The following TNKS variants were observed in gnomAD, a reference collection of about 807,000 sequenced individuals.
The protein encoded by TNKS is tankyrase, also known as poly [ADP-ribose] polymerase tankyrase-1.
A neutral mutation model predicts 135.8 loss-of-function variants in TNKS; 72 were observed. That is an observed-to-expected ratio of 0.53 (90% CI 0.44 to 0.64). TNKS has a LOEUF of 0.64. Among genes scored for constraint, TNKS ranks in the 30% least tolerant of loss-of-function variants. TNKS has a pLI of 0.00. For synonymous variants in TNKS, 849 were observed against 649.3 expected (o/e 1.31, Z -4.68); for missense variants, 1,769 against 1,674.0 (o/e 1.06, Z -0.99).
At chr8:9,755,945 T>A (rs1403553266) in intron 20 of TNKS, among the ~76,000 whole-genome samples, 1 of 152,220 alleles carries the variant, frequency 6.6e-6, no homozygotes, top group Non-Finnish European at 1.5e-5. Context: ...AAGTTCTATG[T>A]TGAATAATAT....
chr8:9,624,915 TTATAC>T (rs1419726264), intron 3 of TNKS, among the ~76,000 whole-genome samples: 1 of 152,158 alleles, frequency 6.6e-6, no homozygotes, highest in Non-Finnish European at 1.5e-5. Context: ...AGTAGTTTTG[TTATAC>T]TATATTTTAT....
intron 2 of TNKS, among the ~76,000 whole-genome samples, chr8:9,594,759 A>G (rs1798710925): frequency 6.6e-6 from 1 of 152,174 alleles, no homozygotes; most frequent in Admixed American, 6.5e-5. Flanking sequence ...CATTTTATAA[A>G]CAGTAGTATA....
intron 18 of TNKS, among the ~76,000 whole-genome samples, chr8:9,749,355 A>T (rs1225033995): frequency 1.3e-5 from 2 of 152,156 alleles, no homozygotes; most frequent in Non-Finnish European, 2.9e-5. Flanking sequence ...TCAGCCAGAC[A>T]CATGTTATCA....
intron 3 of TNKS, among the ~76,000 whole-genome samples, chr8:9,675,611 A>G (rs545762358): frequency 1.9e-4 from 29 of 152,306 alleles, no homozygotes; most frequent in African/African-American, 7.0e-4. Flanking sequence ...GTTTTGATGA[A>G]CATTTTTTGC....
intron 1 of TNKS, among the ~76,000 whole-genome samples, chr8:9,565,493 A>G (rs1027853114): frequency 1.8e-4 from 28 of 152,192 alleles, no homozygotes; most frequent in African/African-American, 6.5e-4. Flanking sequence ...TCCAAACTGA[A>G]CAAAATTTGT....
intron 5 of TNKS, among the ~76,000 whole-genome samples, chr8:9,689,765 C>T (rs1176290784): frequency 6.6e-6 from 1 of 152,142 alleles, no homozygotes; most frequent in Non-Finnish European, 1.5e-5. Flanking sequence ...GAGCTCTTAG[C>T]CACATTAAAA....
At chr8:9,701,099 A>G (rs559920721) in intron 5 of TNKS, among the ~76,000 whole-genome samples, 9 of 151,920 alleles carry the variant, frequency 5.9e-5, no homozygotes, top group South Asian at 4.2e-4. Context: ...ACACCTGGCT[A>G]ATTTTTTGTA....
chr8:9,717,072 A>ATATATATATAT (rs376229840), intron 11 of TNKS, among the ~76,000 whole-genome samples: 3,305 of 79,308 alleles, frequency 0.042, 453 homozygotes, highest in African/African-American at 0.079. Flanking sequence ...GTTGTATTAT[A>ATATATATATAT]ATATATATAT....
At chr8:9,644,821 A>G (rs1585269742) in intron 3 of TNKS, among the ~76,000 whole-genome samples, 1 of 152,192 alleles carries the variant, frequency 6.6e-6, no homozygotes, top group Non-Finnish European at 1.5e-5. Flanking sequence ...AGTGGAGACC[A>G]TTCTTCAGAT....
chr8:9,588,178 G>C (rs1223330194), intron 2 of TNKS, among the ~76,000 whole-genome samples: 1 of 152,094 alleles, frequency 6.6e-6, no homozygotes. Flanking sequence ...GAGAGTCCTT[G>C]TCCTTATACA....
intron 3 of TNKS, among the ~76,000 whole-genome samples, chr8:9,660,778 GA>G (rs1321588836): frequency 6.6e-6 from 1 of 152,154 alleles, no homozygotes; most frequent in Non-Finnish European, 1.5e-5. Flanking sequence ...ATTCAGTTAG[GA>G]AAAGAGGAAG....
intron 3 of TNKS, among the ~76,000 whole-genome samples, chr8:9,620,156 G>C (rs1799811636): frequency 6.6e-6 from 1 of 152,008 alleles, no homozygotes; most frequent in African/African-American, 2.4e-5. Context: ...CACCACTTTG[G>C]CCAGGATGGT....
chr8:9,613,951 G>A (rs1029427480), intron 2 of TNKS, among the ~76,000 whole-genome samples: 1 of 152,126 alleles, frequency 6.6e-6, no homozygotes, highest in Non-Finnish European at 1.5e-5. Context: ...GTTTAAAGCA[G>A]GTTCTGCAGT....
Position 9,710,179 on chromosome 8 carries a change from C to T in TNKS, c.1708C>T (p.His570Tyr). The T allele has an allele frequency of 6.2e-7, 1 of 1,614,216 alleles. No individual in the cohort carries two copies. Among genetic ancestry groups the T allele is most frequent in the Non-Finnish European group, 8.5e-7 (1 of 1,180,036 alleles). Reference sequence around the variant, plus strand: ...CCTGCATGTTGCAGCCGAAAGAGCCCATAATGATGTCATGGAAGTTCTGCA... The same window carrying T: ...CCTGCATGTTGCAGCCGAAAGAGCCTATAATGATGTCATGGAAGTTCTGCA... ...TPLHVAAERA[H>Y]NDVMEVLHKH... Residue 570 changes from histidine to tyrosine, a missense_variant, in exon 11 of 27, where the codon CAT becomes TAT. Around this residue, in one of 5 missense-constraint regions of TNKS, gnomAD observed 523 missense variants for 541.0 expected, o/e 0.97. Coordinates refer to ENST00000310430, the MANE Select transcript of TNKS (RefSeq NM_003747.3).
intron 3 of TNKS, among the ~76,000 whole-genome samples, chr8:9,670,392 C>T (rs1455599062): frequency 2.6e-5 from 4 of 152,114 alleles, no homozygotes; most frequent in Non-Finnish European, 2.9e-5. Flanking sequence ...GGAAACCATT[C>T]GCCTGTATGT....
intron 3 of TNKS, among the ~76,000 whole-genome samples, chr8:9,663,148 C>G (rs771319562): frequency 1.2e-4 from 19 of 152,176 alleles, no homozygotes; most frequent in Admixed American, 7.2e-4. Context: ...TGTGTTTTCC[C>G]CTAGAGGCTC....
At chr8:9,619,429 A>G (rs1043967824) in intron 3 of TNKS, among the ~76,000 whole-genome samples, 4 of 152,218 alleles carry the variant, frequency 2.6e-5, no homozygotes, top group African/African-American at 9.6e-5. Context: ...GGAAAAGGAT[A>G]GATAACCAAA....
intron 1 of TNKS, chr8:9,557,955 T>G (rs898664572): frequency 1.3e-5 from 2 of 152,186 alleles, no homozygotes; most frequent in Admixed American, 1.3e-4. Flanking sequence ...AACCCTGGAT[T>G]AAGGTCACTT....
chr8:9,769,827 A>G (rs1432609828), intron 25 of TNKS, among the ~76,000 whole-genome samples: 7 of 151,866 alleles, frequency 4.6e-5, no homozygotes, highest in Non-Finnish European at 1.0e-4. Context: ...TTACCGTGTT[A>G]GCCAGGATGG....
Sources: allele counts gnomAD v4.1 joint callset (sites outside exome capture counted in the v4.1 genomes callset), GRCh38; gene constraint gnomAD v4.1.1; regional missense constraint gnomAD v4.1.1; transcripts MANE v1.5; gene names NCBI Gene and HGNC (gene_info 2026-07-23, HGNC 2026-07-21).